Variants in MOSPD2 observed in about 807,000 individuals in gnomAD.
MOSPD2 encodes the protein motile sperm domain-containing protein 2.
In MOSPD2, 5 loss-of-function variants were observed where a neutral mutation model predicts 41.7. The ratio of observed to expected loss-of-function variants is 0.12; its 90% confidence interval spans 0.06 to 0.25. MOSPD2 has a LOEUF of 0.25. Ranked by LOEUF, MOSPD2 falls within the 10% of genes least tolerant of loss-of-function variation. The pLI is 1.00. For synonymous variants in MOSPD2, 115 were observed against 126.9 expected (o/e 0.91, Z 0.63); for missense variants, 282 against 375.2 (o/e 0.75, Z 2.05).
At chrX:14,906,560 C>T (rs866046674) in intron 7 of MOSPD2, among the ~76,000 whole-genome samples, 1 of 58,566 alleles carries the variant, frequency 1.7e-5, no homozygotes, top group South Asian at 5.4e-4. Context: ...GCACAAGCAA[C>T]AAAATAAACA....
intron 2 of MOSPD2, among the ~76,000 whole-genome samples, chrX:14,888,206 GCACACACA>G (rs775166629): frequency 0.012 from 685 of 56,767 alleles, 9 homozygotes; most frequent in African/African-American, 0.029. Flanking sequence ...ACACACACAC[GCACACACA>G]CACACACACA....
At chrX:14,905,863 TCTA>T (rs1319463389) in intron 7 of MOSPD2, among the ~76,000 whole-genome samples, 1 of 111,848 alleles carries the variant, frequency 8.9e-6, no homozygotes, top group Non-Finnish European at 1.9e-5. Context: ...ATATAGTTGT[TCTA>T]CTCTATTGTT....
At chrX:14,896,932 A>G (rs2092564157) in intron 4 of MOSPD2, 152 bp from the exon 5 acceptor site, 3 of 457,135 alleles carry the variant, frequency 6.6e-6, no homozygotes, top group Non-Finnish European at 1.0e-5. Context: ...ACCCAAGTGC[A>G]ACAGTTTCTC....
chrX:14,902,471 C>T (rs2092574778), intron 6 of MOSPD2, among the ~76,000 whole-genome samples: 2 of 111,274 alleles, frequency 1.8e-5, no homozygotes, highest in Non-Finnish European at 3.8e-5. Context: ...TTTCTGAAAA[C>T]GTAGTGATGT....
chrX:14,920,613 T>C lies in MOSPD2; in HGVS notation c.*804T>C. ...CCACTATAGCTGGACACTGAACCTT[T>C]TGCCTAATTTATTATAAAGGCCTGA... On this transcript the variant is annotated 3_prime_UTR_variant, in exon 15 of 15. Coordinates refer to ENST00000380492, the MANE Select transcript of MOSPD2 (RefSeq NM_152581.4). The C allele has an allele frequency of 1.3e-6, 1 of 753,745 alleles. No homozygotes were observed. Among genetic ancestry groups the C allele is most frequent in the Non-Finnish European group, 1.6e-6 (1 of 638,951 alleles). 62.1% of individuals were successfully genotyped at this position (753,745 alleles called of 1,213,427 possible).
intron 6 of MOSPD2, among the ~76,000 whole-genome samples, chrX:14,901,011 C>T (rs1478652904): frequency 2.7e-5 from 3 of 111,340 alleles, no homozygotes; most frequent in African/African-American, 3.3e-5. Context: ...TTCTTGCATA[C>T]AAGAACAGAT....
chrX:14,889,801 G>A (rs1021277276), intron 2 of MOSPD2, among the ~76,000 whole-genome samples: 5 of 111,857 alleles, frequency 4.5e-5, no homozygotes, highest in African/African-American at 9.7e-5. Context: ...TCAAAGAGCC[G>A]TGGGCTTTAA....
chrX:14,896,959 A>T (rs941367680), intron 4 of MOSPD2, 125 bp from the exon 5 acceptor site: 4 of 523,834 alleles, frequency 7.6e-6, no homozygotes, highest in African/African-American at 7.2e-5. Context: ...AATAAGAAAG[A>T]GATGTTTTTG....
chrX:14,902,446 T>C (rs2092574759), intron 6 of MOSPD2, among the ~76,000 whole-genome samples: 1 of 111,762 alleles, frequency 8.9e-6, no homozygotes, highest in Admixed American at 9.5e-5. Context: ...TGATATAAAG[T>C]AGAAATAATT....
intron 5 of MOSPD2, among the ~76,000 whole-genome samples, chrX:14,900,111 T>C (rs2092570589): frequency 8.9e-6 from 1 of 112,415 alleles, no homozygotes; most frequent in African/African-American, 3.2e-5. Flanking sequence ...TTATTGACAC[T>C]ATTATGTGGT....
intron 3 of MOSPD2, 72 bp downstream of exon 3, chrX:14,892,950 A>G (rs1479136675): frequency 1.3e-6 from 1 of 762,423 alleles, no homozygotes; most frequent in Non-Finnish European, 1.9e-6. Flanking sequence ...TTATCTAATC[A>G]TGTATTTGCA....
rs374231642 is a variant in MOSPD2, at chrX:14,900,715, A to G, written c.538+80A>G. 9.8e-4 allele frequency: 459 copies of G among 469,155 alleles called. 3 individuals carry two copies. In the African/African-American group the frequency reaches 0.01, roughly 10 times the overall value. The allele number at this position is 469,155 out of a possible 1,213,427, so 38.7% of individuals were successfully genotyped here. On this transcript the variant is annotated intron_variant, in intron 6 of 14. Transcript: ENST00000380492. ...TCTGAGAATTGTGGAGCCTTATGTT[A>G]TTATAGACTTTCATACCTGAAACTT... is the stretch of plus-strand genomic sequence containing the variant.
Position 14,919,911 on chromosome X carries a change from G to A in MOSPD2, c.*102G>A. On this transcript the variant is annotated 3_prime_UTR_variant, in exon 15 of 15. Coordinates refer to ENST00000380492, the MANE Select transcript of MOSPD2 (RefSeq NM_152581.4). ...GCTACTAAAAACATTGCACATCTGT[G>A]CTTCCTAAAAGGAAATATGCAGCAC... 9.0e-7 allele frequency: 1 copy of A among 1,109,457 alleles called. No individual in the cohort carries two copies. The highest frequency in any genetic ancestry group is 2.5e-5 in the South Asian group (1 of 40,450). 91.4% of individuals were successfully genotyped at this position (1,109,457 alleles called of 1,213,427 possible). A position where few individuals can be genotyped will look rare whatever the true frequency, so the allele number is the denominator to read the frequency against.
At chrX:14,918,831 C>T in intron 14 of MOSPD2, 49 bp downstream of exon 14, 7 of 789,797 alleles carry the variant, frequency 8.9e-6, no homozygotes, top group Non-Finnish European at 1.1e-5. Flanking sequence ...TGCTGATCAA[C>T]ATTAGAAATC....
chrX:14,888,559 G>A (rs866906751), intron 2 of MOSPD2, among the ~76,000 whole-genome samples: 14 of 111,337 alleles, frequency 1.3e-4, no homozygotes, highest in Middle Eastern at 4.6e-3. Context: ...ATGTGGAACT[G>A]TAAGTCCATT....
intron 2 of MOSPD2, among the ~76,000 whole-genome samples, chrX:14,888,204 A>C (rs2157877): frequency 4.1e-4 from 19 of 46,046 alleles, no homozygotes; most frequent in Non-Finnish European, 8.3e-4. Flanking sequence ...ATACACACAC[A>C]CGCACACACA....
intron 2 of MOSPD2, among the ~76,000 whole-genome samples, chrX:14,876,191 TTTTG>T (rs2092519836): frequency 8.9e-6 from 1 of 111,746 alleles, no homozygotes; most frequent in Non-Finnish European, 1.9e-5. Context: ...AAAAGGGGTG[TTTTG>T]TTTGTTTAAT....
At chrX:14,883,194 G>GA (rs1215681142) in intron 2 of MOSPD2, among the ~76,000 whole-genome samples, 115 of 100,900 alleles carry the variant, frequency 1.1e-3, no homozygotes, top group Non-Finnish European at 1.7e-3. Flanking sequence ...ACTCCATCTC[G>GA]AAAAAAAAAA....
chrX:14,917,681 T>C (rs1436847995), intron 13 of MOSPD2, among the ~76,000 whole-genome samples: 1 of 111,749 alleles, frequency 8.9e-6, no homozygotes, highest in East Asian at 2.8e-4. Flanking sequence ...GCATTTTTCC[T>C]ACTTTATAGA....
Sources: allele counts gnomAD v4.1 joint callset (sites outside exome capture counted in the v4.1 genomes callset), GRCh38; gene constraint gnomAD v4.1.1; transcripts MANE v1.5; gene names NCBI Gene and HGNC (gene_info 2026-07-23, HGNC 2026-07-21).